The following SLC10A7 variants were observed in gnomAD, a reference collection of about 807,000 sequenced individuals.
SLC10A7 encodes the protein solute carrier family 10 member 7.
In SLC10A7, 29 loss-of-function variants were observed where a neutral mutation model predicts 43.2. The ratio of observed to expected loss-of-function variants is 0.67; its 90% CI spans 0.50 to 0.92. The LOEUF (loss-of-function observed/expected upper bound fraction) is 0.92, where lower values mean the gene tolerates loss of function less well. Ranked by LOEUF, SLC10A7 falls within the 40% of genes least tolerant of loss-of-function variation. SLC10A7 has a pLI of 0.00. For missense variants in SLC10A7, 295 were observed against 403.2 expected (o/e 0.73, Z 2.30); for synonymous variants, 152 against 144.8 (o/e 1.05, Z -0.35).
chr4:146,388,475 G>A (rs1396918163), intron 5 of SLC10A7, among the ~76,000 whole-genome samples: 1 of 152,086 alleles, frequency 6.6e-6, no homozygotes, highest in African/African-American at 2.4e-5. Context: ...AATCCTAGAA[G>A]AGGCTGCGCA....
chr4:146,259,448 A>C (rs2110978797), intron 10 of SLC10A7, among the ~76,000 whole-genome samples: 1 of 152,338 alleles, frequency 6.6e-6, no homozygotes, highest in South Asian at 2.1e-4. Flanking sequence ...GATGAATACA[A>C]AAATTAGCCA....
At chr4:146,474,629 G>A (rs979464951) in intron 4 of SLC10A7, among the ~76,000 whole-genome samples, 1 of 152,010 alleles carries the variant, frequency 6.6e-6, no homozygotes, top group Non-Finnish European at 1.5e-5. Context: ...GGTCTCTAAA[G>A]GGTGGTAAAG....
chr4:146,260,993 G>A (rs1728188098), intron 10 of SLC10A7, among the ~76,000 whole-genome samples: 1 of 152,216 alleles, frequency 6.6e-6, no homozygotes, highest in Non-Finnish European at 1.5e-5. Flanking sequence ...ACATAGCTTT[G>A]ATCCTCAAGA....
intron 9 of SLC10A7, among the ~76,000 whole-genome samples, chr4:146,289,259 C>T (rs1159489112): frequency 1.3e-5 from 2 of 152,150 alleles, no homozygotes; most frequent in African/African-American, 4.8e-5. Flanking sequence ...TGCCTGCTTC[C>T]CTTTCCCATT....
chr4:146,509,670 C>T (rs1252047849), intron 3 of SLC10A7, among the ~76,000 whole-genome samples: 11 of 152,142 alleles, frequency 7.2e-5, no homozygotes, highest in African/African-American at 2.4e-4. Flanking sequence ...CTCTAAAATT[C>T]TCAGAAAAGT....
chr4:146,491,728 G>T (rs1735454650), intron 4 of SLC10A7, among the ~76,000 whole-genome samples: 2 of 140,710 alleles, frequency 1.4e-5, no homozygotes, highest in African/African-American at 2.5e-5. Context: ...AGGAAGGAAG[G>T]AAGGAAGGAA....
chr4:146,279,818 G>A (rs1184926502), intron 10 of SLC10A7, among the ~76,000 whole-genome samples: 1 of 152,096 alleles, frequency 6.6e-6, no homozygotes, highest in East Asian at 1.9e-4. Context: ...ATAATTAAAG[G>A]TCAAATAGTC....
At chr4:146,351,153 A>G (rs889358531) in intron 5 of SLC10A7, among the ~76,000 whole-genome samples, 10 of 151,240 alleles carry the variant, frequency 6.6e-5, no homozygotes, top group Admixed American at 2.6e-4. Flanking sequence ...AGAAGAATGT[A>G]TAACTAGAAT....
chr4:146,509,621 T>C (rs1737264105), intron 3 of SLC10A7, among the ~76,000 whole-genome samples: 1 of 152,202 alleles, frequency 6.6e-6, no homozygotes, highest in Non-Finnish European at 1.5e-5. Flanking sequence ...CATACAGATC[T>C]TACATCTGCT....
At chr4:146,415,718 T>A (rs1728512000) in intron 5 of SLC10A7, among the ~76,000 whole-genome samples, 1 of 152,210 alleles carries the variant, frequency 6.6e-6, no homozygotes, top group African/African-American at 2.4e-5. Flanking sequence ...ATTAATTCAT[T>A]CAAGATTAGC....
chr4:146,488,448 A>G lies in SLC10A7; in HGVS notation c.396+15401T>C, dbSNP rs115127556. ...CTAATGTGCAAATCATTTTTCCCACATGAGATATTTACTTGACTAGATGAT... is the reference window on the plus strand; with the variant it reads ...CTAATGTGCAAATCATTTTTCCCACGTGAGATATTTACTTGACTAGATGAT... On this transcript the variant is annotated intron_variant, in intron 4 of 11. Coordinates refer to ENST00000335472, the MANE Select transcript of SLC10A7 (RefSeq NM_001029998.6). Among the ~76,000 whole-genome samples the G allele has an allele frequency of 3.6e-3, 545 of 152,296 alleles. 5 individuals are homozygous for G. Among genetic ancestry groups the G allele is most frequent in the African/African-American group, 0.012 (497 of 41,560 alleles).
chr4:146,370,710 T>A (rs151305402), intron 5 of SLC10A7, among the ~76,000 whole-genome samples: 2 of 152,328 alleles, frequency 1.3e-5, no homozygotes, highest in East Asian at 3.9e-4. Context: ...TTTGGCTCAG[T>A]AAAAATAAAA....
At chr4:146,467,542 C>G (rs1733145655) in intron 4 of SLC10A7, among the ~76,000 whole-genome samples, 1 of 143,792 alleles carries the variant, frequency 7.0e-6, no homozygotes, top group South Asian at 2.3e-4. Context: ...TTTTTTTGCC[C>G]TTTTCTTTTT....
intron 6 of SLC10A7, among the ~76,000 whole-genome samples, chr4:146,316,290 G>T (rs1732317713): frequency 6.6e-6 from 1 of 152,072 alleles, no homozygotes. Flanking sequence ...CTCGGTCCAT[G>T]ATAATCTGAA....
intron 5 of SLC10A7, among the ~76,000 whole-genome samples, chr4:146,407,190 C>T (rs1727778751): frequency 6.6e-6 from 1 of 152,144 alleles, no homozygotes; most frequent in African/African-American, 2.4e-5. Context: ...AACTTTCCAA[C>T]TCTAATCCTC....
At chr4:146,320,995 G>T (rs1020593602) in intron 6 of SLC10A7, among the ~76,000 whole-genome samples, 3 of 152,058 alleles carry the variant, frequency 2.0e-5, no homozygotes, top group Admixed American at 1.3e-4. Flanking sequence ...CTGAGAAAAG[G>T]TTAGGAATAC....
intron 10 of SLC10A7, among the ~76,000 whole-genome samples, chr4:146,273,524 G>A (rs1215335021): frequency 6.6e-6 from 1 of 152,180 alleles, no homozygotes; most frequent in Non-Finnish European, 1.5e-5. Flanking sequence ...GGTGGTTAGA[G>A]GTTTCAAGTG....
At chr4:146,409,779 G>A (rs763963519) in intron 5 of SLC10A7, among the ~76,000 whole-genome samples, 20 of 152,110 alleles carry the variant, frequency 1.3e-4, no homozygotes, top group Non-Finnish European at 2.4e-4. Flanking sequence ...AGCTATAAAT[G>A]TATATGGTAG....
intron 2 of SLC10A7, among the ~76,000 whole-genome samples, chr4:146,515,926 A>C (rs1025201673): frequency 4.0e-5 from 6 of 151,866 alleles, no homozygotes; most frequent in Middle Eastern, 3.4e-3. Context: ...AAAAAAAAAA[A>C]AAAAAAAACC....
Sources: allele counts gnomAD v4.1 joint callset (sites outside exome capture counted in the v4.1 genomes callset), GRCh38; gene constraint gnomAD v4.1.1; transcripts MANE v1.5; gene names NCBI Gene and HGNC (gene_info 2026-07-23, HGNC 2026-07-21).